Variants in LHFPL3 observed in about 807,000 individuals in gnomAD.
LHFPL3 encodes LHFPL tetraspan subfamily member 3.
Under a neutral mutation model 19.3 loss-of-function variants are expected in LHFPL3, and 5 were observed. That is an observed-to-expected ratio of 0.26 (90% CI 0.14 to 0.54). The LOEUF is 0.54. LHFPL3 is among the 20% of genes least tolerant of loss of function. LHFPL3 has a pLI of 0.94. For synonymous variants in LHFPL3, 133 were observed against 126.2 expected (o/e 1.05, Z -0.36); for missense variants, 249 against 307.4 (o/e 0.81, Z 1.42).
chr7:104,427,079 C>T (rs959855553), intron 1 of LHFPL3, among the ~76,000 whole-genome samples: 1 of 152,160 alleles, frequency 6.6e-6, no homozygotes, highest in African/African-American at 2.4e-5. Context: ...GATTCTAAGA[C>T]CTAACGTCTC....
rs143926803 is a variant in LHFPL3 at position 104,373,739 on chromosome 7, A to G, written c.445+44515A>G. On this transcript the variant is annotated intron_variant, in intron 1 of 2. Coordinates refer to ENST00000424859, the MANE Select transcript of LHFPL3 (RefSeq NM_199000.3). ...TCTATGGTGGCTGCCCTTAGAGGTG[A>G]TAGATGACAGATGTTTCCTATTCAG... 1.3e-3 allele frequency among the ~76,000 whole-genome samples: 193 copies of G among 152,290 alleles called. 1 individual carries two copies. Among genetic ancestry groups the G allele is most frequent in the African/African-American group, 4.4e-3 (182 of 41,566 alleles).
chr7:104,358,435 T>C (rs1448998792), intron 1 of LHFPL3, among the ~76,000 whole-genome samples: 1 of 152,204 alleles, frequency 6.6e-6, no homozygotes, highest in Non-Finnish European at 1.5e-5. Flanking sequence ...AGTGTCAGTT[T>C]CATATGTTTA....
At chr7:104,591,893 C>T (rs964543926) in intron 1 of LHFPL3, among the ~76,000 whole-genome samples, 31 of 152,302 alleles carry the variant, frequency 2.0e-4, no homozygotes, top group African/African-American at 7.5e-4. Flanking sequence ...ACCCTTTCTT[C>T]CACTTGATCA....
chr7:104,421,569 CAGTG>C (rs2116534734), intron 1 of LHFPL3, among the ~76,000 whole-genome samples: 1 of 152,252 alleles, frequency 6.6e-6, no homozygotes, highest in East Asian at 1.9e-4. Context: ...ATGAAATCTT[CAGTG>C]AGTATTTGGA....
At chr7:104,383,887 A>G (rs1163228184) in intron 1 of LHFPL3, among the ~76,000 whole-genome samples, 1 of 152,164 alleles carries the variant, frequency 6.6e-6, no homozygotes, top group Non-Finnish European at 1.5e-5. Context: ...TGCCTTGTGG[A>G]ATTATTTTAA....
At chr7:104,871,244 T>C (rs1227908715) in intron 2 of LHFPL3, among the ~76,000 whole-genome samples, 3 of 152,242 alleles carry the variant, frequency 2.0e-5, no homozygotes, top group Non-Finnish European at 4.4e-5. Flanking sequence ...TATGGTATGC[T>C]AATGTACTGA....
chr7:104,816,849 T>C (rs1790566760), intron 2 of LHFPL3, among the ~76,000 whole-genome samples: 1 of 152,210 alleles, frequency 6.6e-6, no homozygotes, highest in Non-Finnish European at 1.5e-5. Context: ...TTTAACTCCA[T>C]TGTATTTGTC....
At chr7:104,581,962 T>C (rs1403799492) in intron 1 of LHFPL3, among the ~76,000 whole-genome samples, 3 of 151,972 alleles carry the variant, frequency 2.0e-5, no homozygotes, top group African/African-American at 2.4e-5. Context: ...TCTAGATACT[T>C]TTAATTTTCA....
At chr7:104,531,785 C>T (rs10255304) in intron 1 of LHFPL3, among the ~76,000 whole-genome samples, 22,421 of 152,058 alleles carry the variant, frequency 0.15, 1,773 homozygotes, top group Admixed American at 0.17. Flanking sequence ...TGTGATACAC[C>T]ATGTTTTGGT....
intron 1 of LHFPL3, among the ~76,000 whole-genome samples, chr7:104,606,305 T>C (rs1791100686): frequency 6.6e-6 from 1 of 152,228 alleles, no homozygotes; most frequent in South Asian, 2.1e-4. Flanking sequence ...GATTTGGAAA[T>C]AGCAAAACAG....
intron 1 of LHFPL3, among the ~76,000 whole-genome samples, chr7:104,423,676 C>G (rs1390606982): frequency 6.6e-6 from 1 of 151,956 alleles, no homozygotes; most frequent in Admixed American, 6.6e-5. Flanking sequence ...AAACAACAAA[C>G]AAACAGAAAA....
In LHFPL3 at chr7:104,374,206, A is replaced by ATGTGTG. The variant is rs200857759; in HGVS notation, c.445+44983_445+44984insGTGTGT. Among the ~76,000 whole-genome samples, 489 of 81,242 alleles carry ATGTGTG rather than the reference A, an allele frequency of 6.0e-3. 2 individuals are homozygous for ATGTGTG. The highest frequency in any genetic ancestry group is 0.016 in the African/African-American group (423 of 26,582). The allele number at this position is 81,242 out of a possible 152,430, so 53.3% of individuals were successfully genotyped here. ...TTCTATTATCTATCTATCTATCTAT[A>ATGTGTG]TATGTGTGTGTGTGTGTGTGTGTGT... On this transcript the variant is annotated intron_variant, in intron 1 of 2. Coordinates refer to ENST00000424859, the MANE Select transcript of LHFPL3 (RefSeq NM_199000.3).
intron 1 of LHFPL3, among the ~76,000 whole-genome samples, chr7:104,554,541 C>T (rs1794721973): frequency 1.3e-5 from 2 of 152,048 alleles, no homozygotes; most frequent in Non-Finnish European, 2.9e-5. Flanking sequence ...ATGTTGCTAT[C>T]CTAATCCCTA....
intron 1 of LHFPL3, among the ~76,000 whole-genome samples, chr7:104,515,081 A>G (rs955220866): frequency 6.6e-6 from 1 of 152,110 alleles, no homozygotes; most frequent in African/African-American, 2.4e-5. Flanking sequence ...TTCTCCCCAG[A>G]TGTGGCCTGC....
At chr7:104,727,172 G>T (rs546783193) in intron 1 of LHFPL3, among the ~76,000 whole-genome samples, 3 of 152,030 alleles carry the variant, frequency 2.0e-5, no homozygotes, top group Admixed American at 1.3e-4. Flanking sequence ...TTTTTAATTG[G>T]GTTGTGTTTT....
chr7:104,667,539 T>TA (rs1184066662), intron 1 of LHFPL3, among the ~76,000 whole-genome samples: 1 of 152,184 alleles, frequency 6.6e-6, no homozygotes, highest in African/African-American at 2.4e-5. Flanking sequence ...GTGATGAACT[T>TA]ATGGTTGGAT....
At chr7:104,803,624 C>A (rs947811083) in intron 2 of LHFPL3, 11 of 152,220 alleles carry the variant, frequency 7.2e-5, no homozygotes, top group Non-Finnish European at 1.5e-4. Context: ...CACTCCCACA[C>A]CAGGGCAAAT....
At chr7:104,424,339 T>G (rs570244201) in intron 1 of LHFPL3, among the ~76,000 whole-genome samples, 2 of 152,334 alleles carry the variant, frequency 1.3e-5, no homozygotes, top group East Asian at 3.9e-4. Context: ...GAAGTGCGGC[T>G]GTACGAAGGT....
chr7:104,882,706 T>C (rs927385367), intron 2 of LHFPL3, among the ~76,000 whole-genome samples: 2 of 152,160 alleles, frequency 1.3e-5, no homozygotes, highest in African/African-American at 4.8e-5. Context: ...TAAAATTAGA[T>C]AGTGGTGATA....
Sources: gnomAD v4.1 joint callset for allele counts (sites outside exome capture counted in the v4.1 genomes callset) on GRCh38, gnomAD v4.1.1 for gene constraint, MANE v1.5 for transcripts, NCBI Gene and HGNC (gene_info 2026-07-23, HGNC 2026-07-21) for gene names.